The following MITF variants were observed in gnomAD, a reference collection of about 807,000 sequenced individuals.
MITF encodes the protein microphthalmia-associated transcription factor.
In MITF, 17 loss-of-function variants were observed where a neutral mutation model predicts 60.5. The ratio of observed to expected loss-of-function variants is 0.28; its 90% confidence interval spans 0.19 to 0.42. The LOEUF (loss-of-function observed/expected upper bound fraction) is 0.42, where lower values mean the gene tolerates loss of function less well. MITF is among the 10% of genes least tolerant of loss of function. The pLI, the probability that MITF is intolerant of heterozygous loss-of-function variation, is 1.00. For missense variants in MITF, 622 were observed against 683.5 expected (o/e 0.91, Z 1.00); for synonymous variants, 260 against 248.5 (o/e 1.05, Z -0.43).
At chr3:69,886,095 G>C (rs1233215997) in intron 2 of MITF, among the ~76,000 whole-genome samples, 1 of 152,102 alleles carries the variant, frequency 6.6e-6, no homozygotes, top group Non-Finnish European at 1.5e-5. Flanking sequence ...TGGGCCACTA[G>C]TGGTAATACC....
At chr3:69,883,110 C>G (rs2064526789) in intron 2 of MITF, among the ~76,000 whole-genome samples, 1 of 152,142 alleles carries the variant, frequency 6.6e-6, no homozygotes. Flanking sequence ...GGAAAGGTTG[C>G]ATGAATTTTA....
At chr3:69,942,504 G>A (rs1288393078) in intron 5 of MITF, among the ~76,000 whole-genome samples, 1 of 151,636 alleles carries the variant, frequency 6.6e-6, no homozygotes, top group Non-Finnish European at 1.5e-5. Context: ...AATTCTTCAA[G>A]TTCACTTCCT....
At chr3:69,951,911 T>A in intron 7 of MITF, 25 bp downstream of exon 7, 1 of 1,543,324 alleles carries the variant, frequency 6.5e-7, no homozygotes, top group South Asian at 1.1e-5. Flanking sequence ...TTTATGTTCA[T>A]GACATTTGAT....
At chr3:69,840,608 A>G (rs915741383) in intron 1 of MITF, among the ~76,000 whole-genome samples, 1 of 152,156 alleles carries the variant, frequency 6.6e-6, no homozygotes, top group African/African-American at 2.4e-5. Context: ...CGACAGGAAA[A>G]TTAATTATCA....
In MITF at chr3:69,845,438, C is replaced by CTTTTTTTTTTTTTTTTT. The variant is rs202135701; in HGVS notation, c.105-33693_105-33692insTTTTTTTTTTTTTTTTT. ...TCTTTTCTTTTCTTTTTTCTTTTTT[C>CTTTTTTTTTTTTTTTTT]TTTCTTTTTTTTTTTTTTGCTATTT... On this transcript the variant is annotated intron_variant, in intron 1 of 9. Coordinates refer to ENST00000352241, the MANE Select transcript of MITF (RefSeq NM_001354604.2). Among the ~76,000 whole-genome samples the CTTTTTTTTTTTTTTTTT allele has an allele frequency of 1.3e-4, 18 of 133,676 alleles. 1 individual carries two copies. The highest frequency in any genetic ancestry group is 2.3e-4 in the Admixed American group (3 of 13,328). The allele number at this position is 133,676 out of a possible 152,430, so 87.7% of individuals were successfully genotyped here. A position where few individuals can be genotyped will look rare whatever the true frequency, so the allele number is the denominator to read the frequency against.
chr3:69,749,949 T>C (rs1194410103), intron 1 of MITF, among the ~76,000 whole-genome samples: 3 of 152,236 alleles, frequency 2.0e-5, no homozygotes, highest in Non-Finnish European at 2.9e-5. Context: ...ATACTGATTA[T>C]ATTTGGAAGC....
rs2065935276 is a variant in MITF at position 69,940,107 on chromosome 3, C to T, written c.666+926C>T. Among the ~76,000 whole-genome samples, 6 of 152,114 alleles carry T rather than the reference C, an allele frequency of 3.9e-5. No homozygotes were observed. The South Asian group carries it at 1.0e-3, about 26-fold the overall frequency. ...ACTTTGAATGCTCTGTACAGTTTGT[C>T]CTGAAATCATACAAGAATCCATAAG... is the stretch of plus-strand genomic sequence containing the variant. On this transcript the variant is annotated intron_variant, in intron 4 of 9. Coordinates refer to ENST00000352241, the MANE Select transcript of MITF (RefSeq NM_001354604.2).
At chr3:69,936,662 A>G in intron 2 of MITF, 1 of 1,609,440 alleles carries the variant, frequency 6.2e-7, no homozygotes, top group Non-Finnish European at 8.5e-7. Flanking sequence ...GGAATTATAG[A>G]AAGTAGAGGG....
chr3:69,823,951 T>C (rs951083779), intron 1 of MITF, among the ~76,000 whole-genome samples: 1 of 152,192 alleles, frequency 6.6e-6, no homozygotes, highest in African/African-American at 2.4e-5. Context: ...ACATTCCAAA[T>C]ACATATAGGC....
intron 1 of MITF, among the ~76,000 whole-genome samples, chr3:69,835,370 G>A (rs970099936): frequency 2.6e-5 from 4 of 152,060 alleles, no homozygotes; most frequent in African/African-American, 9.7e-5. Flanking sequence ...AGCTATTCTG[G>A]ATATTAACTC....
intron 1 of MITF, among the ~76,000 whole-genome samples, chr3:69,849,183 C>G (rs2063784287): frequency 6.6e-6 from 1 of 151,736 alleles, no homozygotes; most frequent in African/African-American, 2.4e-5. Flanking sequence ...CCGGGGTGGT[C>G]TCGATCTCCT....
intron 7 of MITF, among the ~76,000 whole-genome samples, chr3:69,954,922 G>A (rs1210878534): frequency 6.6e-6 from 1 of 152,052 alleles, no homozygotes; most frequent in African/African-American, 2.4e-5. Flanking sequence ...CATATATTCT[G>A]GTATTTAGAG....
chr3:69,804,438 G>C (rs2062972917), intron 1 of MITF, among the ~76,000 whole-genome samples: 1 of 151,776 alleles, frequency 6.6e-6, no homozygotes, highest in Non-Finnish European at 1.5e-5. Context: ...TTTTATTCTG[G>C]CGTTTCCCTC....
At chr3:69,906,301 G>T (rs574054151) in intron 2 of MITF, among the ~76,000 whole-genome samples, 10 of 152,004 alleles carry the variant, frequency 6.6e-5, no homozygotes, top group Non-Finnish European at 1.0e-4. Flanking sequence ...CTCTGTCCTG[G>T]TCTGTTTTTC....
intron 1 of MITF, among the ~76,000 whole-genome samples, chr3:69,833,287 A>G (rs2063482086): frequency 6.6e-6 from 1 of 152,158 alleles, no homozygotes; most frequent in African/African-American, 2.4e-5. Flanking sequence ...TTTTCTGTTT[A>G]CATTGTATGT....
At chr3:69,795,036 G>C (rs752238164) in intron 1 of MITF, among the ~76,000 whole-genome samples, 1 of 152,136 alleles carries the variant, frequency 6.6e-6, no homozygotes, top group African/African-American at 2.4e-5. Context: ...TTTCCTAGGT[G>C]AGGATATGAG....
At chr3:69,899,592 C>G (rs1200726078) in intron 2 of MITF, among the ~76,000 whole-genome samples, 1 of 152,176 alleles carries the variant, frequency 6.6e-6, no homozygotes, top group Non-Finnish European at 1.5e-5. Context: ...AGGGGGTTAT[C>G]ATTCCCTCTT....
chr3:69,787,475 C>T (rs966416013), intron 1 of MITF, among the ~76,000 whole-genome samples: 1 of 152,202 alleles, frequency 6.6e-6, no homozygotes, highest in African/African-American at 2.4e-5. Context: ...CCAAGTTCCT[C>T]TCTGTTTCTT....
In MITF at chr3:69,907,769, C is replaced by T. The variant is rs888166217; in HGVS notation, c.354+28386C>T. Reference sequence around the variant, plus strand: ...TTTCCTCAGACCAGTCACCTCTTCACGGACATTTTAAGTGTATGAGGGCTA... The same window carrying T: ...TTTCCTCAGACCAGTCACCTCTTCATGGACATTTTAAGTGTATGAGGGCTA... On this transcript the variant is annotated intron_variant, in intron 2 of 9. Transcript: ENST00000352241. Among the ~76,000 whole-genome samples, 5 of 152,200 alleles carry T rather than the reference C, an allele frequency of 3.3e-5. No homozygotes were observed. In the East Asian group the frequency reaches 5.8e-4, roughly 18 times the overall value.
Sources: allele counts gnomAD v4.1 joint callset (sites outside exome capture counted in the v4.1 genomes callset), GRCh38; gene constraint gnomAD v4.1.1; transcripts MANE v1.5; gene names NCBI Gene and HGNC (gene_info 2026-07-23, HGNC 2026-07-21).